Variants in ILDR1 observed in about 807,000 individuals in gnomAD.
ILDR1 encodes immunoglobulin-like domain-containing receptor 1.
In ILDR1, 56 loss-of-function variants were observed where a neutral mutation model predicts 62.4. The observed-to-expected ratio is 0.90, with a 90% CI of 0.72 to 1.12. The LOEUF is 1.12. ILDR1 is among the 50% of genes most tolerant of loss of function. ILDR1 has a pLI of 0.00. For synonymous variants in ILDR1, 284 were observed against 277.8 expected (o/e 1.02, Z -0.22); for missense variants, 736 against 710.6 (o/e 1.04, Z -0.41).
At chr3:122,002,085 A>C (rs192736418) in intron 3 of ILDR1, among the ~76,000 whole-genome samples, 1 of 152,290 alleles carries the variant, frequency 6.6e-6, no homozygotes, top group East Asian at 1.9e-4. Flanking sequence ...AGCTGCAGTG[A>C]GCTATGAGTG....
intron 4 of ILDR1, 102 bp from the exon 5 acceptor site, chr3:122,001,556 T>A (rs2071526012): frequency 6.6e-7 from 1 of 1,507,714 alleles, no homozygotes; most frequent in Admixed American, 1.7e-5. Flanking sequence ...GCTCTTGACC[T>A]ACAGGTTAAA....
chr3:122,021,662 C>T (rs1051233172), intron 1 of ILDR1, among the ~76,000 whole-genome samples: 2 of 152,154 alleles, frequency 1.3e-5, no homozygotes, highest in African/African-American at 4.8e-5. Flanking sequence ...TGGTTGTCAC[C>T]ATATCAGATG....
At chr3:122,034,525 T>G in the ILDR1 span, among the ~76,000 whole-genome samples, 2 of 152,230 alleles carry the variant, frequency 1.3e-5, no homozygotes, top group African/African-American at 4.8e-5. Flanking sequence ...CCAGATGCCA[T>G]GTAAGCCAGT....
the ILDR1 span, among the ~76,000 whole-genome samples, chr3:122,041,540 A>C: frequency 3.3e-5 from 5 of 152,226 alleles, no homozygotes; most frequent in Non-Finnish European, 7.3e-5. Context: ...AAACAGACTA[A>C]GATGGCTATC....
At chr3:122,031,962 C>A in the ILDR1 span, among the ~76,000 whole-genome samples, 2 of 152,126 alleles carry the variant, frequency 1.3e-5, no homozygotes, top group South Asian at 4.1e-4. Flanking sequence ...GATATCTTAA[C>A]AATTTTTTAA....
At chr3:121,992,878 C>T (rs2071370191) in intron 7 of ILDR1, among the ~76,000 whole-genome samples, 1 of 152,240 alleles carries the variant, frequency 6.6e-6, no homozygotes, top group African/African-American at 2.4e-5. Flanking sequence ...TGTGACCTCG[C>T]TTGGCCTACC....
At chr3:122,044,649 A>G in the ILDR1 span, among the ~76,000 whole-genome samples, 8 of 150,510 alleles carry the variant, frequency 5.3e-5, no homozygotes, top group Non-Finnish European at 8.9e-5. Flanking sequence ...GTCTTGGGAG[A>G]GTGTATGTGT....
chr3:121,989,944 T>A (rs1402818711), intron 7 of ILDR1, among the ~76,000 whole-genome samples: 3 of 152,224 alleles, frequency 2.0e-5, no homozygotes, highest in Non-Finnish European at 4.4e-5. Flanking sequence ...TTTCTCTAAA[T>A]GCCAAATGAA....
chr3:122,005,934 A>G (rs1203472873), intron 2 of ILDR1, among the ~76,000 whole-genome samples: 1 of 138,696 alleles, frequency 7.2e-6, no homozygotes, highest in Non-Finnish European at 1.5e-5. Context: ...AAAACAAACA[A>G]ACAAAAAAAA....
At chr3:122,018,401 G>A (rs7640335) in intron 1 of ILDR1, among the ~76,000 whole-genome samples, 2 of 136,880 alleles carry the variant, frequency 1.5e-5, no homozygotes, top group African/African-American at 5.3e-5. Flanking sequence ...GGGTGGGGGG[G>A]GGGTAGGGGA....
the ILDR1 span, among the ~76,000 whole-genome samples, chr3:122,045,619 A>G: frequency 6.6e-6 from 1 of 151,198 alleles, no homozygotes; most frequent in African/African-American, 2.4e-5. Context: ...GGGTGCATAT[A>G]TATTTAGGAT....
intron 1 of ILDR1, among the ~76,000 whole-genome samples, chr3:122,010,236 G>C (rs1576730996): frequency 6.6e-6 from 1 of 152,180 alleles, no homozygotes; most frequent in Non-Finnish European, 1.5e-5. Flanking sequence ...AGATAAATAA[G>C]GCGGGGCTGG....
rs1349836413 is a variant in ILDR1, at chr3:122,005,167, T to C, written c.379+77A>G. 5 of 1,056,110 alleles carry C rather than the reference T, an allele frequency of 4.7e-6. No individual in the cohort carries two copies. The East Asian group carries it at 9.9e-5, about 21-fold the overall frequency. 65.4% of individuals were successfully genotyped at this position (1,056,110 alleles called of 1,614,324 possible). ...CAGCAGAAAGAAATGGGAAATCCCA[T>C]GCTGACTCAGCCTGCCAGGCCTGGT... is the stretch of plus-strand genomic sequence containing the variant. On this transcript the variant is annotated intron_variant, in intron 3 of 7. Transcript: ENST00000344209.
At chr3:122,046,327 C>T in the ILDR1 span, among the ~76,000 whole-genome samples, 1 of 151,212 alleles carries the variant, frequency 6.6e-6, no homozygotes, top group Non-Finnish European at 1.5e-5. Flanking sequence ...GGTAACCCGA[C>T]CTTTCTCTCT....
In ILDR1 at chr3:121,987,466, T is replaced by C. The variant is rs1207635211; in HGVS notation, c.*901A>G. 2 of 152,048 alleles carry C rather than the reference T, an allele frequency of 1.3e-5. No homozygotes were observed. Among genetic ancestry groups the C allele is most frequent in the Admixed American group, 6.6e-5 (1 of 15,262 alleles). 9.4% of individuals were successfully genotyped at this position (152,048 alleles called of 1,614,324 possible). A position where few individuals can be genotyped will look rare whatever the true frequency, so the allele number is the denominator to read the frequency against. On this transcript the variant is annotated 3_prime_UTR_variant, in exon 8 of 8. Transcript: ENST00000344209. ...TATATATGAAAATATAAATTAGATA[T>C]ACAGGTAAAAAAAGAGCAAGAGGAA...
the ILDR1 span, among the ~76,000 whole-genome samples, chr3:122,040,686 T>A: frequency 1.4e-5 from 2 of 143,096 alleles, no homozygotes; most frequent in African/African-American, 2.6e-5. Context: ...GATATCATTT[T>A]CAACAAATAA....
intron 2 of ILDR1, 36 bp downstream of exon 2, chr3:122,006,955 G>T (rs1014369806): frequency 6.3e-7 from 1 of 1,594,922 alleles, no homozygotes; most frequent in Non-Finnish European, 8.5e-7. Context: ...GAGGTGTCTG[G>T]GACCCACAGA....
chr3:122,060,616 C>T, the ILDR1 span, among the ~76,000 whole-genome samples: 1 of 151,546 alleles, frequency 6.6e-6, no homozygotes, highest in African/African-American at 2.4e-5. Context: ...AGCGAGACTC[C>T]CATTCCTAAA....
chr3:122,053,083 A>G, the ILDR1 span, among the ~76,000 whole-genome samples: 1 of 152,118 alleles, frequency 6.6e-6, no homozygotes, highest in African/African-American at 2.4e-5. Context: ...TGGATTTCTC[A>G]CAAAAGGAAT....
Sources: gnomAD v4.1 joint callset for allele counts (sites outside exome capture counted in the v4.1 genomes callset) on GRCh38, gnomAD v4.1.1 for gene constraint, MANE v1.5 for transcripts, NCBI Gene and HGNC (gene_info 2026-07-23, HGNC 2026-07-21) for gene names.